Variants in SP100 observed in about 807,000 individuals in gnomAD.
SP100 encodes the protein nuclear autoantigen Sp-100.
Under a neutral mutation model 130.0 loss-of-function variants are expected in SP100, and 84 were observed. That is an observed-to-expected ratio of 0.65 (90% CI 0.54 to 0.77). The LOEUF (loss-of-function observed/expected upper bound fraction) is 0.77. Among genes scored for constraint, SP100 ranks in the 30% least tolerant of loss-of-function variants. The pLI, the probability that SP100 is intolerant of heterozygous loss-of-function variation, is 0.00. For synonymous variants in SP100, 331 were observed against 351.7 expected (o/e 0.94, Z 0.66); for missense variants, 978 against 1,052.2 (o/e 0.93, Z 0.97).
At position 230,443,118 on chromosome 2, in the gene SP100, G is replaced by A; in HGVS notation, c.270+19G>A. ...GTTTGAAGTAAGTAAAGTTTATTAT[G>A]TCACAATCTGGTAAAGCAGCCCCAA... On this transcript the variant is annotated intron_variant, in intron 3 of 28. Coordinates refer to ENST00000340126, the MANE Select transcript of SP100 (RefSeq NM_001080391.2). 1 of 1,611,616 alleles carries A rather than the reference G, an allele frequency of 6.2e-7. No individual in the cohort carries two copies. Among genetic ancestry groups the A allele is most frequent in the East Asian group, 2.2e-5 (1 of 44,858 alleles).
intron 4 of SP100, among the ~76,000 whole-genome samples, chr2:230,446,009 GTTTA>G (rs1460286076): frequency 6.6e-5 from 10 of 152,216 alleles, no homozygotes; most frequent in Middle Eastern, 3.4e-3. Flanking sequence ...CCTCTGTTAT[GTTTA>G]TTTGAGAACT....
At chr2:230,449,838 G>A in intron 7 of SP100, 128 bp downstream of exon 7, 4 of 959,120 alleles carry the variant, frequency 4.2e-6, no homozygotes, top group East Asian at 2.4e-5. Flanking sequence ...CATAGACACA[G>A]AGGGGGCCTG....
chr2:230,495,871 T>C (rs1559519521), intron 18 of SP100, among the ~76,000 whole-genome samples: 1 of 152,220 alleles, frequency 6.6e-6, no homozygotes, highest in Non-Finnish European at 1.5e-5. Flanking sequence ...CCTCTAGAGC[T>C]AAAGCATATT....
intron 15 of SP100, among the ~76,000 whole-genome samples, chr2:230,472,427 C>CAAAAAAAAAAAAAAAAA (rs201703163): frequency 4.9e-5 from 3 of 61,320 alleles, no homozygotes; most frequent in African/African-American, 8.4e-5. Context: ...GACTCCGTCT[C>CAAAAAAAAAAAAAAAAA]AAAAAAAAAA....
At chr2:230,534,704 G>A (rs1045098986) in intron 24 of SP100, among the ~76,000 whole-genome samples, 1 of 152,144 alleles carries the variant, frequency 6.6e-6, no homozygotes, top group Non-Finnish European at 1.5e-5. Context: ...ATATAGATGT[G>A]TTGTTAATAT....
At chr2:230,435,614 C>T (rs566552977) in intron 2 of SP100, among the ~76,000 whole-genome samples, 1 of 152,246 alleles carries the variant, frequency 6.6e-6, no homozygotes, top group Admixed American at 6.5e-5. Context: ...AGATTTGTTA[C>T]ACAGGCAAAA....
intron 8 of SP100, among the ~76,000 whole-genome samples, chr2:230,453,168 A>G (rs2064101688): frequency 6.6e-6 from 1 of 152,190 alleles, no homozygotes; most frequent in African/African-American, 2.4e-5. Flanking sequence ...GGCAGCAGCA[A>G]GGAGAAGTAC....
At chr2:230,527,634 T>C (rs1691491840) in intron 24 of SP100, among the ~76,000 whole-genome samples, 1 of 152,068 alleles carries the variant, frequency 6.6e-6, no homozygotes, top group African/African-American at 2.4e-5. Flanking sequence ...GACTGGCAAA[T>C]TGGATAGAGT....
At chr2:230,506,240 TG>T (rs1690093844) in intron 21 of SP100, 62 bp from the exon 22 acceptor site, 9 of 1,582,586 alleles carry the variant, frequency 5.7e-6, no homozygotes, top group Admixed American at 1.7e-5. Flanking sequence ...GACCCCAGCA[TG>T]GGGGGAGGCC....
intron 24 of SP100, chr2:230,515,655 A>G (rs1416672154): frequency 1.3e-6 from 2 of 1,588,992 alleles, no homozygotes; most frequent in Non-Finnish European, 8.5e-7. Flanking sequence ...CTTCTAGTGC[A>G]GTTTTTTTCT....
Position 230,462,502 on chromosome 2 carries a change from A to G in SP100, c.1041A>G (p.Ala347=), listed in dbSNP as rs1284585116. ...VDEPLEVFIS[A]PRSEPVINND... ...AGCCCTTAGAAGTCTTCATCTCAGCACCGAGAAGTGAGCCTGGTAAGGAAG... is the reference window on the plus strand; with the variant it reads ...AGCCCTTAGAAGTCTTCATCTCAGCGCCGAGAAGTGAGCCTGGTAAGGAAG... The change falls in exon 10 of 29, where the codon GCA becomes GCG. Residue 347 remains alanine, a synonymous_variant. Coordinates refer to ENST00000340126, the MANE Select transcript of SP100 (RefSeq NM_001080391.2). 6.2e-7 allele frequency: 1 copy of G among 1,613,550 alleles called. No homozygotes were observed. The highest frequency in any genetic ancestry group is 1.1e-5 in the South Asian group (1 of 91,056).
intron 8 of SP100, among the ~76,000 whole-genome samples, chr2:230,454,873 G>T (rs2064190255): frequency 6.6e-6 from 1 of 152,086 alleles, no homozygotes; most frequent in Non-Finnish European, 1.5e-5. Context: ...CACTGCTGAA[G>T]GTAGGGTGTT....
chr2:230,531,477 C>A (rs1489529584), intron 24 of SP100, among the ~76,000 whole-genome samples: 1 of 151,856 alleles, frequency 6.6e-6, no homozygotes, highest in Non-Finnish European at 1.5e-5. Context: ...CAACATGGCA[C>A]ATGTATACCT....
intron 6 of SP100, 155 bp from the exon 7 acceptor site, chr2:230,449,406 C>T: frequency 1.1e-6 from 1 of 875,714 alleles, no homozygotes; most frequent in Non-Finnish European, 1.9e-6. Flanking sequence ...ACCCATGTGC[C>T]TGCTTCACCA....
At chr2:230,513,640 G>T (rs901209061) in intron 24 of SP100, among the ~76,000 whole-genome samples, 4 of 152,142 alleles carry the variant, frequency 2.6e-5, no homozygotes, top group African/African-American at 9.7e-5. Flanking sequence ...TCCCTCGGTG[G>T]GGGAAAAAAA....
intron 2 of SP100, among the ~76,000 whole-genome samples, chr2:230,421,462 A>G (rs1004503271): frequency 6.6e-6 from 1 of 151,444 alleles, no homozygotes; most frequent in African/African-American, 2.4e-5. Flanking sequence ...GGTTTACCAC[A>G]TTATCCAGTA....
At chr2:230,468,533 G>A (rs1179781662) in intron 13 of SP100, among the ~76,000 whole-genome samples, 1 of 151,872 alleles carries the variant, frequency 6.6e-6, no homozygotes, top group Admixed American at 6.6e-5. Flanking sequence ...GGCCAGGTGT[G>A]GTGGCTCACG....
chr2:230,491,048 G>A (rs1284138243), intron 17 of SP100, among the ~76,000 whole-genome samples: 1 of 152,172 alleles, frequency 6.6e-6, no homozygotes, highest in East Asian at 1.9e-4. Context: ...AGTTCTCCTG[G>A]ATAATATCCA....
chr2:230,450,079 GAAGA>G (rs767856920), intron 7 of SP100, 89 bp from the exon 8 acceptor site: 45 of 843,546 alleles, frequency 5.3e-5, no homozygotes, highest in Non-Finnish European at 8.2e-5. Context: ...AGAAACAGGA[GAAGA>G]AAGGAGAAGC....
Sources: allele counts gnomAD v4.1 joint callset (sites outside exome capture counted in the v4.1 genomes callset), GRCh38; gene constraint gnomAD v4.1.1; transcripts MANE v1.5; gene names NCBI Gene and HGNC (gene_info 2026-07-23, HGNC 2026-07-21).